The following ABCA10 variants were observed in gnomAD, a reference collection of about 807,000 sequenced individuals.
ABCA10 encodes ATP binding cassette subfamily A member 10.
ABCA10 carries 169 observed loss-of-function variants against 187.5 expected under a neutral mutation model. That is an observed-to-expected ratio of 0.90 (90% CI 0.80 to 1.02). The LOEUF is 1.02. Ranked by LOEUF, ABCA10 falls within the 50% of genes least tolerant of loss-of-function variation. ABCA10 has a pLI of 0.00. For missense variants in ABCA10, 1,727 were observed against 1,812.4 expected (o/e 0.95, Z 0.86); for synonymous variants, 574 against 601.8 (o/e 0.95, Z 0.68).
chr17:69,223,978 T>G (rs958787941), intron 3 of ABCA10, among the ~76,000 whole-genome samples: 3 of 151,622 alleles, frequency 2.0e-5, no homozygotes, highest in Non-Finnish European at 2.9e-5. Flanking sequence ...TCAGAAAAAA[T>G]GAGGTAAATG....
chr17:69,201,816 G>A (rs1397328046), intron 9 of ABCA10, 148 bp from the exon 10 acceptor site: 11 of 676,068 alleles, frequency 1.6e-5, no homozygotes, highest in African/African-American at 3.8e-5. Context: ...AGACAGTCAC[G>A]CTCTGTTGCC....
chr17:69,207,620 G>A (rs1164695032), intron 9 of ABCA10, among the ~76,000 whole-genome samples: 1 of 152,100 alleles, frequency 6.6e-6, no homozygotes, highest in Non-Finnish European at 1.5e-5. Context: ...GCATGAACCT[G>A]GAGATACATT....
chr17:69,162,741 A>G (rs1423072922), intron 27 of ABCA10, among the ~76,000 whole-genome samples: 3 of 152,048 alleles, frequency 2.0e-5, no homozygotes, highest in Admixed American at 6.6e-5. Flanking sequence ...GGAATGAACT[A>G]AATGATTGGT....
chr17:69,213,256 G>T (rs1241614202), intron 9 of ABCA10, among the ~76,000 whole-genome samples: 1 of 152,046 alleles, frequency 6.6e-6, no homozygotes, highest in South Asian at 2.1e-4. Flanking sequence ...CTATGGGTGG[G>T]GCCATAGAGC....
At position 69,193,545 on chromosome 17, in the gene ABCA10, C is replaced by A; in HGVS notation, c.1589G>T (p.Gly530Val). The part of the protein sequence containing the change: ...IQDIIAKKLS[G>V]GQKRKLTLGI... Reference sequence around the variant, plus strand: ...TAGTGTTAGTTTTCTCTTCTGCCCACCACTTAATTTTTTAGCAATAATGTC... The same window carrying A: ...TAGTGTTAGTTTTCTCTTCTGCCCAACACTTAATTTTTTAGCAATAATGTC... The change falls in exon 14 of 39, where the codon GGT becomes GTT. Residue 530 changes from glycine (G) to valine (V), a missense_variant. Transcript: ENST00000690296. 6.2e-7 allele frequency: 1 copy of A among 1,613,576 alleles called. No individual in the cohort carries two copies. Among genetic ancestry groups the A allele is most frequent in the South Asian group, 1.1e-5 (1 of 91,024 alleles).
At chr17:69,187,999 T>G in intron 18 of ABCA10, 120 bp from the exon 19 acceptor site, 1 of 845,266 alleles carries the variant, frequency 1.2e-6, no homozygotes, top group African/African-American at 1.7e-5. Flanking sequence ...GCTACTGATA[T>G]CCATAATCAA....
upstream of ABCA10, among the ~76,000 whole-genome samples, chr17:69,232,779 G>GTA (rs144064375): frequency 1.0e-3 from 154 of 152,208 alleles, 6 homozygotes; most frequent in East Asian, 0.025. Flanking sequence ...TGTGTGTCTA[G>GTA]TAAAGTCTTT....
chr17:69,206,774 G>A (rs1454826043), intron 9 of ABCA10, among the ~76,000 whole-genome samples: 1 of 152,120 alleles, frequency 6.6e-6, no homozygotes. Flanking sequence ...ACTCAAAATG[G>A]AGTAAAGACT....
At chr17:69,210,170 C>CTTTTTTTTTTTTTT (rs1160992125) in intron 9 of ABCA10, among the ~76,000 whole-genome samples, 2 of 70,894 alleles carry the variant, frequency 2.8e-5, no homozygotes, top group African/African-American at 1.3e-4. Flanking sequence ...GTGGTTATTT[C>CTTTTTTTTTTTTTT]TTTTTTTTTT....
At chr17:69,212,102 T>C (rs1431213016) in intron 9 of ABCA10, among the ~76,000 whole-genome samples, 1 of 152,216 alleles carries the variant, frequency 6.6e-6, no homozygotes, top group Non-Finnish European at 1.5e-5. Flanking sequence ...GACTTTTTGA[T>C]GTAGGTATTT....
rs777696546 is a variant in ABCA10, at chr17:69,185,467, C to G, written c.2497+10G>C. On this transcript the variant is annotated intron_variant, in intron 20 of 38. Transcript: ENST00000690296. ...AAAAACTCACACTAAATTTCAGCCC[C>G]ATTTCTCACCTGTATTATTAACGAT... The G allele has an allele frequency of 6.3e-7, 1 of 1,597,958 alleles. No individual in the cohort carries two copies. The highest frequency in any genetic ancestry group is 2.2e-5 in the East Asian group (1 of 44,670).
chr17:69,236,720 C>A (rs2074874039), intron 1 of ABCA10, among the ~76,000 whole-genome samples: 1 of 152,136 alleles, frequency 6.6e-6, no homozygotes, highest in African/African-American at 2.4e-5. Context: ...GTAATTTTGT[C>A]TTCCTCCCCC....
chr17:69,186,110 T>G (rs2074418839), intron 19 of ABCA10, among the ~76,000 whole-genome samples: 1 of 152,188 alleles, frequency 6.6e-6, no homozygotes, highest in Admixed American at 6.5e-5. Flanking sequence ...ATGCAATATT[T>G]AAAACACTAT....
chr17:69,196,916 C>T (rs1363012904), intron 11 of ABCA10, 148 bp downstream of exon 11: 6 of 598,716 alleles, frequency 1.0e-5, no homozygotes, highest in South Asian at 4.6e-5. Flanking sequence ...GGCAGGCACT[C>T]GGCAGGAGAA....
chr17:69,176,849 A>C (rs1223237006), intron 22 of ABCA10, among the ~76,000 whole-genome samples: 1 of 152,230 alleles, frequency 6.6e-6, no homozygotes, highest in Non-Finnish European at 1.5e-5. Flanking sequence ...CTGAAACCGC[A>C]GAAAGCAAAA....
chr17:69,188,401 A>G (rs1393653921), intron 18 of ABCA10, among the ~76,000 whole-genome samples: 2 of 151,766 alleles, frequency 1.3e-5, no homozygotes, highest in Non-Finnish European at 2.9e-5. Context: ...ACAACTTCAA[A>G]TATCAGTTTT....
intron 10 of ABCA10, among the ~76,000 whole-genome samples, chr17:69,197,548 C>T (rs1287608046): frequency 1.3e-5 from 2 of 152,138 alleles, no homozygotes; most frequent in Non-Finnish European, 2.9e-5. Context: ...ATTTCCCAAC[C>T]TAAGACAACA....
intron 11 of ABCA10, among the ~76,000 whole-genome samples, chr17:69,195,445 ATTTT>A (rs1200175893): frequency 6.6e-6 from 1 of 150,592 alleles, no homozygotes; most frequent in South Asian, 2.1e-4. Context: ...ACATATTTTA[ATTTT>A]TTTGTTTTCT....
rs2074431230 is a variant in ABCA10, at chr17:69,187,540, C to T, written c.2330+141G>A. ...CTTCTAGCACATGAGGCAGTCAGGC[C>T]CTTTTCCTCAGTAACAGCAGGATAG... On this transcript the variant is annotated intron_variant, in intron 19 of 38. Coordinates refer to ENST00000690296, the MANE Select transcript of ABCA10 (RefSeq NM_001377321.1). 6 of 908,564 alleles carry T rather than the reference C, an allele frequency of 6.6e-6. No homozygotes were observed. The South Asian group carries it at 1.3e-4, about 20-fold the overall frequency. The allele number at this position is 908,564 out of a possible 1,614,324, so 56.3% of individuals were successfully genotyped here. A position where few individuals can be genotyped will look rare whatever the true frequency, so the allele number is the denominator to read the frequency against.
Sources: allele counts gnomAD v4.1 joint callset (sites outside exome capture counted in the v4.1 genomes callset), GRCh38; gene constraint gnomAD v4.1.1; transcripts MANE v1.5; gene names NCBI Gene and HGNC (gene_info 2026-07-23, HGNC 2026-07-21).